PDK1: variants seen among roughly 807,000 people sequenced by gnomAD.
PDK1 encodes the protein [Pyruvate dehydrogenase (acetyl-transferring)] kinase isozyme 1, mitochondrial.
Under a neutral mutation model 54.2 loss-of-function variants are expected in PDK1, and 39 were observed. The observed-to-expected ratio is 0.72, with a 90% CI of 0.56 to 0.94. The LOEUF is 0.94. Ranked by LOEUF, PDK1 falls within the 40% of genes least tolerant of loss-of-function variation. The pLI is 0.00. For missense variants in PDK1, 552 were observed against 566.0 expected (o/e 0.98, Z 0.25); for synonymous variants, 221 against 207.1 (o/e 1.07, Z -0.58).
At position 172,603,569 on chromosome 2, in the gene PDK1, G is replaced by GAAGT. The variant is rs1424638459; in HGVS notation, c.*7601_*7604dup. ...ATGTTGTCTGCTGCAGGCAATAAGT[G>GAAGT]AAGTCTCTGGCAGTGGGAAGCATGG... On this transcript the variant is annotated 3_prime_UTR_variant, in exon 11 of 11. Transcript: ENST00000282077. 2.0e-5 allele frequency: 3 copies of GAAGT among 152,214 alleles called. No homozygotes were observed. The highest frequency in any genetic ancestry group is 6.5e-5 in the Admixed American group (1 of 15,282). The allele number at this position is 152,214 out of a possible 1,614,324, so 9.4% of individuals were successfully genotyped here. A position where few individuals can be genotyped will look rare whatever the true frequency, so the allele number is the denominator to read the frequency against.
At position 172,565,057 on chromosome 2, in the gene PDK1, A is replaced by T. The variant is rs1688861814; in HGVS notation, c.675A>T (p.Val225=). Reference sequence around the variant, plus strand: ...GAAGCATAAATCCAAACTGCAATGTACTTGAAGTTATTAAAGGTAAATACT... The same window carrying T: ...GAAGCATAAATCCAAACTGCAATGTTCTTGAAGTTATTAAAGGTAAATACT... The part of the protein sequence containing the change: ...HIGSINPNCN[V]LEVIKDGYEN... The change falls in exon 5 of 11, where the codon GTA becomes GTT. Residue 225 remains valine, a synonymous_variant. Coordinates refer to ENST00000282077, the MANE Select transcript of PDK1 (RefSeq NM_002610.5). The T allele has an allele frequency of 1.3e-6, 2 of 1,583,688 alleles. No individual in the cohort carries two copies. Among genetic ancestry groups the T allele is most frequent in the Admixed American group, 1.7e-5 (1 of 59,910 alleles).
the PDK1 span, among the ~76,000 whole-genome samples, chr2:172,634,185 T>C: frequency 3.4e-5 from 5 of 149,140 alleles, no homozygotes; most frequent in African/African-American, 1.2e-4. Context: ...GTCAAGTCTA[T>C]GATATTTCTG....
chr2:172,567,873 C>A (rs1689039808), intron 6 of PDK1, among the ~76,000 whole-genome samples: 1 of 152,208 alleles, frequency 6.6e-6, no homozygotes, highest in African/African-American at 2.4e-5. Context: ...TTTATACACA[C>A]CCCTATCACC....
At position 172,607,505 on chromosome 2, in the gene PDK1, G is replaced by T. The variant is rs747029535; in HGVS notation, c.*11536G>T. The T allele has an allele frequency of 6.6e-6, 1 of 152,220 alleles. No individual in the cohort carries two copies. The highest frequency in any genetic ancestry group is 1.5e-5 in the Non-Finnish European group (1 of 68,044). The allele number at this position is 152,220 out of a possible 1,614,324, so 9.4% of individuals were successfully genotyped here. On this transcript the variant is annotated 3_prime_UTR_variant, in exon 11 of 11. Coordinates refer to ENST00000282077, the MANE Select transcript of PDK1 (RefSeq NM_002610.5). Reference sequence around the variant, plus strand: ...GACTCAAACCAAAATAAGACTTGCTGTTACCCTGAGACAAGCCAACTGTCA... The same window carrying T: ...GACTCAAACCAAAATAAGACTTGCTTTTACCCTGAGACAAGCCAACTGTCA...
the PDK1 span, among the ~76,000 whole-genome samples, chr2:172,662,905 A>G: frequency 2.0e-5 from 3 of 152,144 alleles, no homozygotes; most frequent in South Asian, 6.2e-4. Flanking sequence ...TGGAAGCTCC[A>G]TGTGGGCAGG....
the PDK1 span, among the ~76,000 whole-genome samples, chr2:172,622,401 TATGTGAGATATGTTTATATC>T: frequency 4.0e-5 from 6 of 149,000 alleles, no homozygotes; most frequent in Non-Finnish European, 8.9e-5. Context: ...TATCATATAT[TATGTGAGATATGTTTATATC>T]ATGTGAGATA....
chr2:172,680,903 ATCAGGC>A, the PDK1 span, among the ~76,000 whole-genome samples: 1 of 152,224 alleles, frequency 6.6e-6, no homozygotes, highest in African/African-American at 2.4e-5. Context: ...TGGGATTGCC[ATCAGGC>A]TTTGACACTT....
At chr2:172,696,111 G>A in the PDK1 span, among the ~76,000 whole-genome samples, 1 of 147,996 alleles carries the variant, frequency 6.8e-6, no homozygotes, top group East Asian at 2.0e-4. Flanking sequence ...AGCAGAGGTT[G>A]CAGTGAGCCA....
chr2:172,595,545 T>C, intron 10 of PDK1, among the ~76,000 whole-genome samples: 1 of 151,954 alleles, frequency 6.6e-6, no homozygotes, highest in East Asian at 1.9e-4. Flanking sequence ...ATCTGGGTCA[T>C]GTTTTGTGTA....
chr2:172,609,685 C>T (rs1434020532), downstream of PDK1, among the ~76,000 whole-genome samples: 3 of 152,204 alleles, frequency 2.0e-5, no homozygotes, highest in East Asian at 3.8e-4. Context: ...ATCATTAGAA[C>T]GCATGATTAT....
the PDK1 span, among the ~76,000 whole-genome samples, chr2:172,666,945 T>C: frequency 6.6e-6 from 1 of 152,132 alleles, no homozygotes; most frequent in African/African-American, 2.4e-5. Context: ...ACACAGAAAG[T>C]TTTGTTGTGA....
At chr2:172,568,327 C>CAAAA (rs11400625) in intron 6 of PDK1, among the ~76,000 whole-genome samples, 137 of 56,644 alleles carry the variant, frequency 2.4e-3, no homozygotes, top group Middle Eastern at 7.6e-3. Context: ...GACTCCGTCT[C>CAAAA]AAAAAAAAAA....
chr2:172,610,657 C>G (rs1443435793), downstream of PDK1, among the ~76,000 whole-genome samples: 1 of 152,184 alleles, frequency 6.6e-6, no homozygotes, highest in African/African-American at 2.4e-5. Flanking sequence ...CTTGCACAGG[C>G]TGGAGTGCAG....
chr2:172,643,466 T>C, the PDK1 span, among the ~76,000 whole-genome samples: 1 of 152,186 alleles, frequency 6.6e-6, no homozygotes, highest in Admixed American at 6.5e-5. Flanking sequence ...CTGAGTCCTC[T>C]TTTAGCCTCA....
At chr2:172,585,993 G>A (rs142979485) in intron 8 of PDK1, among the ~76,000 whole-genome samples, 1 of 151,880 alleles carries the variant, frequency 6.6e-6, no homozygotes, top group East Asian at 1.9e-4. Flanking sequence ...GTGAAACCCT[G>A]CCTCTACTAA....
At chr2:172,712,904 G>A in the PDK1 span, among the ~76,000 whole-genome samples, 1 of 152,250 alleles carries the variant, frequency 6.6e-6, no homozygotes, top group African/African-American at 2.4e-5. Flanking sequence ...GGTGAGCAAG[G>A]TGAAGAGGTG....
the PDK1 span, among the ~76,000 whole-genome samples, chr2:172,668,817 A>G: frequency 6.8e-6 from 1 of 147,466 alleles, no homozygotes; most frequent in Non-Finnish European, 1.5e-5. Context: ...TACATTATAT[A>G]TATATACACA....
the PDK1 span, among the ~76,000 whole-genome samples, chr2:172,696,697 T>C: frequency 3.3e-5 from 5 of 152,222 alleles, no homozygotes; most frequent in African/African-American, 1.2e-4. Context: ...CCAATTTCTA[T>C]GGAAAGAGTA....
chr2:172,663,644 C>G, the PDK1 span, among the ~76,000 whole-genome samples: 2 of 152,116 alleles, frequency 1.3e-5, no homozygotes, highest in African/African-American at 2.4e-5. Context: ...TGAGGTGGAG[C>G]CTTGGAAGTT....
Sources: allele counts gnomAD v4.1 joint callset (sites outside exome capture counted in the v4.1 genomes callset), GRCh38; gene constraint gnomAD v4.1.1; transcripts MANE v1.5; gene names NCBI Gene and HGNC (gene_info 2026-07-23, HGNC 2026-07-21).